The following GALNT18 variants were observed in gnomAD, a reference collection of about 807,000 sequenced individuals.
The protein encoded by GALNT18 is polypeptide N-acetylgalactosaminyltransferase 18.
GALNT18 carries 44 observed loss-of-function variants against 69.5 expected under a neutral mutation model. The observed-to-expected ratio is 0.63, with a 90% confidence interval of 0.50 to 0.81. GALNT18 has a LOEUF of 0.81. Among genes scored for constraint, GALNT18 ranks in the 40% least tolerant of loss-of-function variants. The pLI is 0.00. For missense variants in GALNT18, 715 were observed against 810.0 expected, an observed-to-expected ratio of 0.88 and a Z score of 1.42; for synonymous variants, 364 against 318.2, an observed-to-expected ratio of 1.14 and a Z score of -1.53.
At chr11:11,378,113 A>G (rs1011714301) in intron 4 of GALNT18, among the ~76,000 whole-genome samples, 5 of 152,242 alleles carry the variant, frequency 3.3e-5, no homozygotes, top group Non-Finnish European at 7.3e-5. Context: ...TGCTGTTTAA[A>G]TAGTCACAAG....
intron 10 of GALNT18, among the ~76,000 whole-genome samples, chr11:11,289,171 G>A (rs1327407860): frequency 6.6e-6 from 1 of 152,206 alleles, no homozygotes; most frequent in Non-Finnish European, 1.5e-5. Flanking sequence ...CCTCACCAAT[G>A]AGGGCTCGAG....
At chr11:11,298,946 C>A (rs924262465) in intron 9 of GALNT18, among the ~76,000 whole-genome samples, 1 of 152,120 alleles carries the variant, frequency 6.6e-6, no homozygotes, top group African/African-American at 2.4e-5. Flanking sequence ...AACCTCCTGC[C>A]TCCCGCCTCC....
Position 11,301,336 on chromosome 11 carries a change from C to T in GALNT18, c.1513-8143G>A, listed in dbSNP as rs188104792. On this transcript the variant is annotated intron_variant, in intron 9 of 10. Transcript: ENST00000227756. The stretch of plus-strand genomic sequence containing the variant: ...GCTCTTTTCCCTCTTTTTCAAAGAA[C>T]GAGCTGCAGGCCTCTCTGCAGACAG... Among the ~76,000 whole-genome samples, 426 of 152,226 alleles carry T rather than the reference C, an allele frequency of 2.8e-3. 1 individual carries two copies. Among genetic ancestry groups the T allele is most frequent in the African/African-American group, 9.1e-3 (377 of 41,524 alleles).
At chr11:11,308,281 T>C (rs1849611949) in intron 9 of GALNT18, among the ~76,000 whole-genome samples, 1 of 152,356 alleles carries the variant, frequency 6.6e-6, no homozygotes, top group Non-Finnish European at 1.5e-5. Context: ...TCTCAGATAT[T>C]CATCTCATTG....
At chr11:11,400,597 C>T (rs1330127738) in intron 3 of GALNT18, among the ~76,000 whole-genome samples, 1 of 152,158 alleles carries the variant, frequency 6.6e-6, no homozygotes. Flanking sequence ...GATCAAGATG[C>T]CAGCAGATCC....
At position 11,341,433 on chromosome 11, in the gene GALNT18, T is replaced by C. The variant is rs376989800; in HGVS notation, c.1093-429A>G. On this transcript the variant is annotated intron_variant, in intron 6 of 10. Coordinates refer to ENST00000227756, the MANE Select transcript of GALNT18 (RefSeq NM_198516.3). The surrounding 1 kb of genome is among the most constrained non-coding windows in gnomAD (Gnocchi z 6.3). ...TCCCAGCAGAGACTTCCTCTTCAAA[T>C]GGACCACATGGGCCTGGACAAGAAT... Among the ~76,000 whole-genome samples the C allele has an allele frequency of 1.2e-3, 179 of 152,204 alleles. No homozygotes were observed. The highest frequency in any genetic ancestry group is 4.0e-3 in the African/African-American group (166 of 41,534).
chr11:11,483,510 C>T (rs1466751144), intron 1 of GALNT18, among the ~76,000 whole-genome samples: 2 of 152,226 alleles, frequency 1.3e-5, no homozygotes, highest in African/African-American at 2.4e-5. Context: ...AGGGTAAAGG[C>T]CATTCATTCT....
At position 11,387,212 on chromosome 11, in the gene GALNT18, G is replaced by T. The variant is rs558092804; in HGVS notation, c.596-7948C>A. ...CCCCATCTTGCTGCCCTCAGTTGCCGGTCCTTCCCTTTCCAGCTGCTTTTC... is the reference window on the plus strand; with the variant it reads ...CCCCATCTTGCTGCCCTCAGTTGCCTGTCCTTCCCTTTCCAGCTGCTTTTC... On this transcript the variant is annotated intron_variant, in intron 3 of 10. Transcript: ENST00000227756. The surrounding 1 kb of genome is among the most constrained non-coding windows in gnomAD (Gnocchi z 4.6). Among the ~76,000 whole-genome samples, 4 of 152,126 alleles carry T rather than the reference G, an allele frequency of 2.6e-5. No individual in the cohort carries two copies. Among genetic ancestry groups the T allele is most frequent in the Admixed American group, 1.3e-4 (2 of 15,278 alleles).
chr11:11,372,714 C>T lies in GALNT18; in HGVS notation c.978-85G>A. The T allele has an allele frequency of 9.5e-7, 1 of 1,047,958 alleles. No homozygotes were observed. Among genetic ancestry groups the T allele is most frequent in the Admixed American group, 1.9e-5 (1 of 52,896 alleles). The allele number at this position is 1,047,958 out of a possible 1,614,324, so 64.9% of individuals were successfully genotyped here. On this transcript the variant is annotated intron_variant, in intron 5 of 10. Coordinates refer to ENST00000227756, the MANE Select transcript of GALNT18 (RefSeq NM_198516.3). This position sits in a 1 kb window ranked among gnomAD's most constrained non-coding sequence, Gnocchi z 4.9. ...AGTAAGGCCTTCCTATCAGGAGGGT[C>T]TGGTTCTCTTCCTTCCTTTGCTGCC...
At chr11:11,608,995 C>T (rs1182947608) in intron 1 of GALNT18, among the ~76,000 whole-genome samples, 1 of 152,238 alleles carries the variant, frequency 6.6e-6, no homozygotes, top group Non-Finnish European at 1.5e-5. Context: ...CATGAGTTAG[C>T]TTGCAAAAGA....
rs1360435753 is a variant in GALNT18, at chr11:11,601,553, C to T, written c.235+19806G>A. On this transcript the variant is annotated intron_variant, in intron 1 of 10. Transcript: ENST00000227756. This position sits in a 1 kb window ranked among gnomAD's most constrained non-coding sequence, Gnocchi z 4.0. ...GCCTCCACTAGTTGCTACCTGATTG[C>T]TCTATTATTTTCAACGGTGCCTTTA... is the stretch of plus-strand genomic sequence containing the variant. Among the ~76,000 whole-genome samples the T allele has an allele frequency of 1.3e-5, 2 of 152,184 alleles. No individual in the cohort carries two copies. Among genetic ancestry groups the T allele is most frequent in the African/African-American group, 4.8e-5 (2 of 41,446 alleles).
Position 11,372,638 on chromosome 11 carries a change from G to A in GALNT18, c.978-9C>T, listed in dbSNP as rs1163476854. ...CAATGAGGGCAGGGCTCCTGCAGGG[G>A]CAGGGGAGAGCAGAAGGGCTGTCTG... On this transcript the variant is annotated splice_polypyrimidine_tract_variant and intron_variant, in intron 5 of 10. Coordinates refer to ENST00000227756, the MANE Select transcript of GALNT18 (RefSeq NM_198516.3). The surrounding 1 kb of genome is among the most constrained non-coding windows in gnomAD (Gnocchi z 4.9). The A allele has an allele frequency of 1.9e-6, 3 of 1,608,858 alleles. No individual in the cohort carries two copies. The highest frequency in any genetic ancestry group is 1.7e-6 in the Non-Finnish European group (2 of 1,175,584).
At chr11:11,298,023 A>C (rs4910300) in intron 9 of GALNT18, among the ~76,000 whole-genome samples, 101,244 of 152,116 alleles carry the variant, frequency 0.67, 34,715 homozygotes, top group African/African-American at 0.78. Context: ...CAGGGAGACC[A>C]CAGAACTCTG....
At position 11,564,696 on chromosome 11, in the gene GALNT18, C is replaced by A. The variant is rs1330925591; in HGVS notation, c.235+56663G>T. On this transcript the variant is annotated intron_variant, in intron 1 of 10. Coordinates refer to ENST00000227756, the MANE Select transcript of GALNT18 (RefSeq NM_198516.3). The surrounding 1 kb of genome is among the most constrained non-coding windows in gnomAD (Gnocchi z 4.3). ...AAAACCCTGCTAACCCAAGAAGTAT[C>A]CAGCCAGTCAACCCACACAGCACAT... 3.9e-5 allele frequency among the ~76,000 whole-genome samples: 6 copies of A among 152,196 alleles called. No individual in the cohort carries two copies. The highest frequency in any genetic ancestry group is 1.2e-4 in the African/African-American group (5 of 41,438).
chr11:11,275,201 C>T (rs997147107), intron 10 of GALNT18, among the ~76,000 whole-genome samples: 1 of 152,220 alleles, frequency 6.6e-6, no homozygotes, highest in African/African-American at 2.4e-5. Context: ...TCCTCTCTAG[C>T]ATCTGTTGTT....
At chr11:11,277,534 T>C (rs951121225) in intron 10 of GALNT18, among the ~76,000 whole-genome samples, 3 of 152,180 alleles carry the variant, frequency 2.0e-5, no homozygotes, top group Non-Finnish European at 4.4e-5. Context: ...ATTTCTTTCC[T>C]TCTGCCAGCT....
chr11:11,405,645 C>T (rs533571961), intron 3 of GALNT18, among the ~76,000 whole-genome samples: 8 of 152,334 alleles, frequency 5.3e-5, no homozygotes, highest in South Asian at 2.1e-4. Flanking sequence ...GTTAGAGAGA[C>T]GCGCCGAATG....
chr11:11,561,192 G>A (rs970237415), intron 1 of GALNT18, among the ~76,000 whole-genome samples: 1 of 152,168 alleles, frequency 6.6e-6, no homozygotes, highest in African/African-American at 2.4e-5. Flanking sequence ...TTTTCAGGGA[G>A]CTGAGAAGGG....
Position 11,379,356 on chromosome 11 carries a change from A to G in GALNT18, c.596-92T>C, listed in dbSNP as rs1853853761. 3.9e-6 allele frequency: 5 copies of G among 1,287,786 alleles called. No individual in the cohort carries two copies. In the East Asian group the frequency reaches 1.2e-4, roughly 30 times the overall value. 79.8% of individuals were successfully genotyped at this position (1,287,786 alleles called of 1,614,324 possible). On this transcript the variant is annotated intron_variant, in intron 3 of 10. Coordinates refer to ENST00000227756, the MANE Select transcript of GALNT18 (RefSeq NM_198516.3). ...AGTCACTCTTTTAGTGATGACCCCC[A>G]GAGAAAGGCTGGGGGACCCATTCCC...
Sources: allele counts gnomAD v4.1 joint callset (sites outside exome capture counted in the v4.1 genomes callset), GRCh38; gene constraint gnomAD v4.1.1; non-coding constraint Gnocchi (gnomAD v3.1); transcripts MANE v1.5; gene names NCBI Gene and HGNC (gene_info 2026-07-23, HGNC 2026-07-21).